The following ZNF510 variants were observed in gnomAD, a reference collection of about 807,000 sequenced individuals.
ZNF510 encodes the protein zinc finger protein 510.
In ZNF510, 15 loss-of-function variants were observed where a neutral mutation model predicts 18.1. That is an observed-to-expected ratio of 0.83 (90% CI 0.55 to 1.28). The LOEUF (loss-of-function observed/expected upper bound fraction) is 1.28, where lower values mean the gene tolerates loss of function less well. Among genes scored for constraint, ZNF510 ranks in the 50% most tolerant of loss-of-function variants. The pLI is 0.00. For missense variants in ZNF510, 724 were observed against 791.8 expected (o/e 0.91, Z 1.03); for synonymous variants, 261 against 266.4 (o/e 0.98, Z 0.20).
Position 96,764,938 on chromosome 9 carries a change from C to A in ZNF510, c.130-1306G>T, listed in dbSNP as rs544884529. Reference sequence around the variant, plus strand: ...GACCAGCCTGACCAACGTGGTGAAACCCCATCTCTATTAAAAATACAAAAA... The same window carrying A: ...GACCAGCCTGACCAACGTGGTGAAAACCCATCTCTATTAAAAATACAAAAA... On this transcript the variant is annotated intron_variant, in intron 3 of 5. Transcript: ENST00000223428. Among the ~76,000 whole-genome samples, 28 of 152,128 alleles carry A rather than the reference C, an allele frequency of 1.8e-4. No individual in the cohort carries two copies. The South Asian group carries it at 5.6e-3, about 30-fold the overall frequency.
intron 5 of ZNF510, 132 bp downstream of exon 5, chr9:96,762,981 ATTTTC>A (rs1180156212): frequency 2.5e-5 from 17 of 669,490 alleles, no homozygotes; most frequent in Non-Finnish European, 4.0e-5. Context: ...TTTATTAATT[ATTTTC>A]TTTTAACTGC....
chr9:96,768,852 T>C (rs1195603063), intron 3 of ZNF510, among the ~76,000 whole-genome samples: 1 of 151,906 alleles, frequency 6.6e-6, no homozygotes, highest in Non-Finnish European at 1.5e-5. Flanking sequence ...TTATATGAAA[T>C]TGCAAGGGAC....
Position 96,759,941 on chromosome 9 carries a change from AGAGAGTT to A in ZNF510, c.882_888del (p.Lys294AsnfsTer38). The A allele has an allele frequency of 6.2e-7, 1 of 1,613,296 alleles. No homozygotes were observed. On this transcript the variant is annotated frameshift_variant, in exon 6 of 6. Transcript: ENST00000223428. LOFTEE classifies it low-confidence loss of function (END_TRUNC). ...CCTGTGCCAGTTCTCCTGTGGTCAA[AGAGAGTT>A]TTCTTATCACAATTTTTCCTAAATT...
At chr9:96,771,409 C>A (rs1384327513) in intron 3 of ZNF510, among the ~76,000 whole-genome samples, 3 of 148,598 alleles carry the variant, frequency 2.0e-5, no homozygotes, top group African/African-American at 7.6e-5. Flanking sequence ...GAATAGCCAT[C>A]TGACAAAATA....
chr9:96,765,982 A>G (rs1196846738), intron 3 of ZNF510, among the ~76,000 whole-genome samples: 1 of 152,156 alleles, frequency 6.6e-6, no homozygotes, highest in Non-Finnish European at 1.5e-5. Context: ...TTATAAACCA[A>G]CAATATTAAA....
At chr9:96,762,617 A>G (rs963517009) in intron 5 of ZNF510, among the ~76,000 whole-genome samples, 2 of 152,180 alleles carry the variant, frequency 1.3e-5, no homozygotes, top group Non-Finnish European at 2.9e-5. Flanking sequence ...AACATTCCAT[A>G]TCCTCACCAA....
At position 96,756,325 on chromosome 9, in the gene ZNF510, T is replaced by C. The variant is rs952510798; in HGVS notation, c.*2453A>G. 1.3e-5 allele frequency: 2 copies of C among 152,076 alleles called. No individual in the cohort carries two copies. Among genetic ancestry groups the C allele is most frequent in the African/African-American group, 4.8e-5 (2 of 41,384 alleles). The allele number at this position is 152,076 out of a possible 1,614,324, so 9.4% of individuals were successfully genotyped here. A position where few individuals can be genotyped will look rare whatever the true frequency, so the allele number is the denominator to read the frequency against. On this transcript the variant is annotated 3_prime_UTR_variant, in exon 6 of 6. Coordinates refer to ENST00000223428, the MANE Select transcript of ZNF510 (RefSeq NM_014930.3). The stretch of plus-strand genomic sequence containing the variant: ...CTTTGGGTTTGTTAATGGCACTGAG[T>C]TTGAACACACACAGGATCCTAGTAG...
In ZNF510 at chr9:96,758,606, C is replaced by T. The variant is rs1445673362; in HGVS notation, c.*172G>A. 1.5e-6 allele frequency: 1 copy of T among 667,034 alleles called. No individual in the cohort carries two copies. Among genetic ancestry groups the T allele is most frequent in the East Asian group, 2.8e-5 (1 of 35,738 alleles). 41.3% of individuals were successfully genotyped at this position (667,034 alleles called of 1,614,324 possible). A position where few individuals can be genotyped will look rare whatever the true frequency, so the allele number is the denominator to read the frequency against. The stretch of plus-strand genomic sequence containing the variant: ...TGAAGGTTGCATTTTGGACACAATT[C>T]TTCCTGCATTCATCTTCATCTGGTT... On this transcript the variant is annotated 3_prime_UTR_variant, in exon 6 of 6. Transcript: ENST00000223428.
At chr9:96,765,744 C>T (rs191548701) in intron 3 of ZNF510, among the ~76,000 whole-genome samples, 346 of 152,206 alleles carry the variant, frequency 2.3e-3, no homozygotes, top group Middle Eastern at 0.01. Context: ...ATCTCCTGAC[C>T]TCGTGATCCA....
intron 3 of ZNF510, among the ~76,000 whole-genome samples, chr9:96,766,196 GAT>G: frequency 6.6e-6 from 1 of 152,230 alleles, no homozygotes; most frequent in African/African-American, 2.4e-5. Context: ...ATAGAAATGA[GAT>G]ATCAATCTAC....
intron 3 of ZNF510, among the ~76,000 whole-genome samples, chr9:96,771,268 G>C (rs897069594): frequency 6.6e-6 from 1 of 152,068 alleles, no homozygotes; most frequent in African/African-American, 2.4e-5. Flanking sequence ...AACTTAAAGT[G>C]ATAGCACTAC....
rs1404266990 is a variant in ZNF510 at position 96,760,317 on chromosome 9, T to C, written c.513A>G (p.Lys171=). ...TLHVAAVAST[K]MSCKCNSWEV... is the part of the protein sequence containing the mutation. Reference sequence around the variant, plus strand: ...CCCATGAGTTGCATTTGCAGGACATTTTTGTTGAAGCAACAGCAGCTACAT... The same window carrying C: ...CCCATGAGTTGCATTTGCAGGACATCTTTGTTGAAGCAACAGCAGCTACAT... Residue 171 remains lysine, a synonymous_variant, in exon 6 of 6, where the codon AAA becomes AAG. Coordinates refer to ENST00000223428, the MANE Select transcript of ZNF510 (RefSeq NM_014930.3). 1 of 1,613,862 alleles carries C rather than the reference T, an allele frequency of 6.2e-7. No individual in the cohort carries two copies. Among genetic ancestry groups the C allele is most frequent in the Non-Finnish European group, 8.5e-7 (1 of 1,179,860 alleles).
Position 96,759,318 on chromosome 9 carries a change from T to C in ZNF510, c.1512A>G (p.Arg504=), listed in dbSNP as rs771865519. The C allele has an allele frequency of 5.3e-5, 86 of 1,614,030 alleles. No individual in the cohort carries two copies. The highest frequency in any genetic ancestry group is 6.9e-5 in the Non-Finnish European group (82 of 1,180,016). Residue 504 remains arginine, a synonymous_variant, in exon 6 of 6, where the codon AGA becomes AGG. Coordinates refer to ENST00000223428, the MANE Select transcript of ZNF510 (RefSeq NM_014930.3). ...GKTFVQKSTL[R]DHHRIHTGEK... is the part of the protein sequence containing the mutation. ...CCCCTGTGTGAATTCTGTGATGATC[T>C]CTGAGGGTGGACTTCTGAACAAAAG...
At chr9:96,775,857 G>C (rs1186383330) in intron 2 of ZNF510, 143 bp downstream of exon 2, 1 of 982,184 alleles carries the variant, frequency 1.0e-6, no homozygotes, top group African/African-American at 1.7e-5. Context: ...AAGAAAATGG[G>C]GGCTCTATGA....
chr9:96,767,977 C>T (rs7046454), intron 3 of ZNF510, among the ~76,000 whole-genome samples: 2 of 152,002 alleles, frequency 1.3e-5, no homozygotes, highest in Non-Finnish European at 2.9e-5. Context: ...ACAAAATACT[C>T]GCAAACCAAA....
chr9:96,772,617 CACAA>C (rs1345404570), intron 3 of ZNF510, among the ~76,000 whole-genome samples: 2 of 152,160 alleles, frequency 1.3e-5, no homozygotes, highest in South Asian at 2.1e-4. Context: ...ATGTCCAAAA[CACAA>C]ACAATGGTGC....
At chr9:96,760,895 G>A (rs892046573) in intron 5 of ZNF510, among the ~76,000 whole-genome samples, 2 of 152,110 alleles carry the variant, frequency 1.3e-5, no homozygotes, top group African/African-American at 4.8e-5. Context: ...GACTCAACAG[G>A]GAGGGGGTTT....
At chr9:96,769,226 G>A (rs1017626979) in intron 3 of ZNF510, among the ~76,000 whole-genome samples, 1 of 152,046 alleles carries the variant, frequency 6.6e-6, no homozygotes, top group African/African-American at 2.4e-5. Flanking sequence ...CTTGAGATCA[G>A]GAGTTCATGA....
At chr9:96,766,232 T>A (rs1404354509) in intron 3 of ZNF510, among the ~76,000 whole-genome samples, 1 of 152,150 alleles carries the variant, frequency 6.6e-6, no homozygotes, top group Non-Finnish European at 1.5e-5. Flanking sequence ...GATTTTAATG[T>A]AACTCTCCCA....
Sources: allele counts gnomAD v4.1 joint callset (sites outside exome capture counted in the v4.1 genomes callset), GRCh38; gene constraint gnomAD v4.1.1; transcripts MANE v1.5; gene names NCBI Gene and HGNC (gene_info 2026-07-23, HGNC 2026-07-21).